BMERB1: variants seen among roughly 807,000 people sequenced by gnomAD.
BMERB1 encodes bMERB domain containing 1, also known as bMERB domain-containing protein 1.
BMERB1 carries 12 observed loss-of-function variants against 23.6 expected under a neutral mutation model. The observed-to-expected ratio is 0.51, with a 90% CI of 0.33 to 0.82. The LOEUF is 0.82. BMERB1 is among the 40% of genes least tolerant of loss of function. BMERB1 has a pLI of 0.03. For missense variants in BMERB1, 247 were observed against 255.4 expected (o/e 0.97, Z 0.22); for synonymous variants, 122 against 96.6 (o/e 1.26, Z -1.54).
intron 1 of BMERB1, among the ~76,000 whole-genome samples, chr16:15,495,602 G>A (rs58573779): frequency 0.051 from 7,755 of 152,000 alleles, 591 homozygotes; most frequent in African/African-American, 0.16. Context: ...TCCTGACCTC[G>A]TGATCTGCCC....
chr16:15,476,453 G>C (rs984840193), intron 1 of BMERB1, among the ~76,000 whole-genome samples: 1 of 152,220 alleles, frequency 6.6e-6, no homozygotes, highest in African/African-American at 2.4e-5. Flanking sequence ...GTGAGCCCCT[G>C]TGCCCAGCCC....
rs541349843 is a variant in BMERB1 at position 15,436,736 on chromosome 16, C to G, written c.106+1977C>G. ...TGGTAACCATCATTCTACTCTGTAT[C>G]TCCATGAGGGTCTCTTGTTTCTTAC... On this transcript the variant is annotated intron_variant, in intron 1 of 5. Transcript: ENST00000300006. 4.6e-5 allele frequency among the ~76,000 whole-genome samples: 7 copies of G among 152,084 alleles called. No individual in the cohort carries two copies. The East Asian group carries it at 7.7e-4, about 17-fold the overall frequency.
At chr16:15,455,378 A>ATGT (rs1370491081) in intron 1 of BMERB1, among the ~76,000 whole-genome samples, 1 of 151,696 alleles carries the variant, frequency 6.6e-6, no homozygotes, top group Non-Finnish European at 1.5e-5. Flanking sequence ...TGTGTTGGGT[A>ATGT]TGACAACTAC....
At chr16:15,582,969 T>A (rs927720634) in intron 4 of BMERB1, among the ~76,000 whole-genome samples, 187 bp from the exon 5 acceptor site, 1 of 152,222 alleles carries the variant, frequency 6.6e-6, no homozygotes, top group Non-Finnish European at 1.5e-5. Context: ...ATCATTGATA[T>A]GTGTCTCTGG....
In BMERB1 at chr16:15,565,417, C is replaced by G. The variant is rs2030537229; in HGVS notation, c.231-2566C>G. Among the ~76,000 whole-genome samples the G allele has an allele frequency of 2.6e-5, 4 of 152,236 alleles. No individual in the cohort carries two copies. In the South Asian group the frequency reaches 8.3e-4, roughly 32 times the overall value. On this transcript the variant is annotated intron_variant, in intron 2 of 5. Transcript: ENST00000300006. ...TACATCCCTTACCTGCTTCAGTCTT[C>G]TTTGTAACATCTGAAATATTGTATT... is the stretch of plus-strand genomic sequence containing the variant.
rs922171980 is a variant in BMERB1, at chr16:15,587,698, G to A, written c.*869G>A. 4 of 293,892 alleles carry A rather than the reference G, an allele frequency of 1.4e-5. No individual in the cohort carries two copies. The highest frequency in any genetic ancestry group is 3.9e-5 in the Admixed American group (1 of 25,864). 18.2% of individuals were successfully genotyped at this position (293,892 alleles called of 1,614,324 possible). On this transcript the variant is annotated 3_prime_UTR_variant, in exon 6 of 6. Coordinates refer to ENST00000300006, the MANE Select transcript of BMERB1 (RefSeq NM_033201.3). ...ATGCCACTTTGCCAGCCCGACACAC[G>A]GACCTTTGTAAAGAACAGCAACAGG...
chr16:15,524,110 C>T (rs191759105), intron 2 of BMERB1, among the ~76,000 whole-genome samples: 2 of 152,090 alleles, frequency 1.3e-5, no homozygotes, highest in Non-Finnish European at 2.9e-5. Context: ...GAAGCATGTG[C>T]GTTTATGTAA....
At chr16:15,559,421 G>A (rs894268135) in intron 2 of BMERB1, among the ~76,000 whole-genome samples, 1 of 152,196 alleles carries the variant, frequency 6.6e-6, no homozygotes, top group African/African-American at 2.4e-5. Context: ...AGACAACACG[G>A]TGAAATTGTC....
At chr16:15,580,005 C>T (rs1463371822) in intron 3 of BMERB1, among the ~76,000 whole-genome samples, 1 of 152,132 alleles carries the variant, frequency 6.6e-6, no homozygotes, top group Non-Finnish European at 1.5e-5. Flanking sequence ...GCTTGCTGCA[C>T]CTGTCAGCCC....
At chr16:15,571,898 A>C (rs80110898) in intron 3 of BMERB1, among the ~76,000 whole-genome samples, 2 of 152,066 alleles carry the variant, frequency 1.3e-5, no homozygotes, top group African/African-American at 4.8e-5. Context: ...GGGCCAGAGA[A>C]TGCAATCCTC....
At chr16:15,568,648 ATAATT>A (rs920663390) in intron 3 of BMERB1, among the ~76,000 whole-genome samples, 2 of 152,156 alleles carry the variant, frequency 1.3e-5, no homozygotes, top group African/African-American at 4.8e-5. Flanking sequence ...AAAAAAATAT[ATAATT>A]AAATTAAATT....
chr16:15,568,167 C>A, intron 3 of BMERB1, 111 bp downstream of exon 3: 1 of 818,814 alleles, frequency 1.2e-6, no homozygotes, highest in South Asian at 1.7e-5. Context: ...CAATGCAGTG[C>A]TCCCTGACTG....
chr16:15,584,414 C>G (rs534812034), intron 5 of BMERB1, among the ~76,000 whole-genome samples: 4 of 151,854 alleles, frequency 2.6e-5, no homozygotes, highest in African/African-American at 9.7e-5. Context: ...AAAAATTAGC[C>G]GGGCTTGGTG....
At chr16:15,446,061 G>C (rs1411670373) in intron 1 of BMERB1, among the ~76,000 whole-genome samples, 1 of 152,094 alleles carries the variant, frequency 6.6e-6, no homozygotes, top group African/African-American at 2.4e-5. Context: ...ATTGTATACA[G>C]ACAGAAAGTA....
intron 1 of BMERB1, among the ~76,000 whole-genome samples, chr16:15,500,545 T>G (rs2051517919): frequency 6.6e-6 from 1 of 152,024 alleles, no homozygotes; most frequent in African/African-American, 2.4e-5. Context: ...GGGGAAGGTA[T>G]CAGGGAGAAA....
chr16:15,459,253 G>A (rs2051115589), intron 1 of BMERB1, among the ~76,000 whole-genome samples: 1 of 151,780 alleles, frequency 6.6e-6, no homozygotes, highest in African/African-American at 2.4e-5. Context: ...ATAGCAAAAT[G>A]TCAGGTGTAA....
intron 1 of BMERB1, among the ~76,000 whole-genome samples, chr16:15,437,333 G>C (rs1335514631): frequency 6.6e-6 from 1 of 152,068 alleles, no homozygotes; most frequent in African/African-American, 2.4e-5. Context: ...GCCTCACTCT[G>C]CCTTCATTTT....
intron 2 of BMERB1, among the ~76,000 whole-genome samples, chr16:15,538,695 C>CA (rs1169581465): frequency 6.6e-6 from 1 of 152,188 alleles, no homozygotes; most frequent in Non-Finnish European, 1.5e-5. Context: ...CCCAGGGCAT[C>CA]ATTAACCGCC....
At chr16:15,567,901 C>G in intron 2 of BMERB1, 82 bp from the exon 3 acceptor site, 1 of 1,288,398 alleles carries the variant, frequency 7.8e-7, no homozygotes. Context: ...CCTTTAATAG[C>G]TTCTTTGTGT....
Sources: allele counts gnomAD v4.1 joint callset (sites outside exome capture counted in the v4.1 genomes callset), GRCh38; gene constraint gnomAD v4.1.1; transcripts MANE v1.5; gene names NCBI Gene and HGNC (gene_info 2026-07-23, HGNC 2026-07-21).